The following EP400 variants were observed in gnomAD, a reference collection of about 807,000 sequenced individuals.
EP400 encodes the protein E1A binding protein p400, also known as E1A-binding protein p400.
In EP400, 105 loss-of-function variants were observed where a neutral mutation model predicts 354.1. That is an observed-to-expected ratio of 0.30 (90% CI 0.25 to 0.35). The LOEUF (loss-of-function observed/expected upper bound fraction) is 0.35. Ranked by LOEUF, EP400 falls within the 10% of genes least tolerant of loss-of-function variation. The pLI is 1.00. For missense variants in EP400, 3,280 were observed against 4,121.0 expected (o/e 0.80, Z 5.59); for synonymous variants, 1,646 against 1,716.9 (o/e 0.96, Z 1.02).
chr12:132,004,422 AGT>A (rs1893514849), intron 12 of EP400, among the ~76,000 whole-genome samples: 1 of 151,870 alleles, frequency 6.6e-6, no homozygotes, highest in South Asian at 2.1e-4. Context: ...AATTAGGGTG[AGT>A]GTTTTATAAA....
chr12:131,951,602 C>G (rs1482787167), intron 1 of EP400, among the ~76,000 whole-genome samples: 1 of 152,006 alleles, frequency 6.6e-6, no homozygotes, highest in South Asian at 2.1e-4. Context: ...TGTAATTATT[C>G]TTTTTATTGT....
Position 132,062,144 on chromosome 12 carries a change from A to T in EP400, c.7919A>T (p.His2640Leu). The change falls in exon 46 of 53, where the codon CAC (histidine) becomes CTC (leucine). Residue 2640 changes from histidine (H) to leucine (L), a missense_variant. By Grantham distance (99) the His-to-Leu change is moderately conservative (BLOSUM62 -3). This residue lies in a region of EP400 where 255 missense variants were observed against 295.9 expected (regional missense o/e 0.86). Coordinates refer to ENST00000389561, the MANE Select transcript of EP400 (RefSeq NM_015409.5). The part of the protein sequence containing the change: ...PGGSAPAQVV[H>L]TQPPPRAVGS... ...GGCTCTGCTCCCGCCCAGGTGGTGC[A>T]CACCCAGCCCCCGCCACGGGCAGTC... The T allele has an allele frequency of 6.2e-7, 1 of 1,613,698 alleles. No homozygotes were observed. The highest frequency in any genetic ancestry group is 1.1e-5 in the South Asian group (1 of 91,058).
At chr12:132,042,293 A>G (rs915094927) in intron 32 of EP400, among the ~76,000 whole-genome samples, 22 of 152,072 alleles carry the variant, frequency 1.4e-4, no homozygotes, top group Non-Finnish European at 2.5e-4. Context: ...TTCTTTATGT[A>G]TCCCGATAAA....
intron 2 of EP400, among the ~76,000 whole-genome samples, chr12:131,969,614 A>C (rs955878932): frequency 1.3e-4 from 20 of 152,202 alleles, no homozygotes; most frequent in African/African-American, 4.8e-4. Flanking sequence ...AACTGTTGAA[A>C]GTGCACCTTG....
rs1326681072 is a variant in EP400, at chr12:132,029,652, G to A, written c.5382-49G>A. 2 of 1,583,904 alleles carry A rather than the reference G, an allele frequency of 1.3e-6. No individual in the cohort carries two copies. The highest frequency in any genetic ancestry group is 1.7e-6 in the Non-Finnish European group (2 of 1,157,760). ...TCTTTCAGGAGCCCCCATGCTGGGT[G>A]AAGGTGTGTGGCTCCTGGTGGTGAC... On this transcript the variant is annotated intron_variant, in intron 27 of 52. Transcript: ENST00000389561. This position sits in a 1 kb window ranked among gnomAD's most constrained non-coding sequence, Gnocchi z 4.7.
Position 132,029,695 on chromosome 12 carries a change from C to T in EP400, c.5382-6C>T, listed in dbSNP as rs1459601376. ...GTGGTGACAAAACATGCTTTCTGCT[C>T]CTCAGGGTGGCCTTTGTGATTCCTC... On this transcript the variant is annotated splice_region_variant and splice_polypyrimidine_tract_variant and intron_variant, in intron 27 of 52. Coordinates refer to ENST00000389561, the MANE Select transcript of EP400 (RefSeq NM_015409.5). The surrounding 1 kb of genome is among the most constrained non-coding windows in gnomAD (Gnocchi z 4.7). The T allele has an allele frequency of 6.2e-7, 1 of 1,610,970 alleles. No individual in the cohort carries two copies. Among genetic ancestry groups the T allele is most frequent in the African/African-American group, 1.3e-5 (1 of 74,878 alleles).
At position 132,079,205 on chromosome 12, in the gene EP400, A is replaced by G. The variant is rs1896318718; in HGVS notation, c.*1532A>G. On this transcript the variant is annotated 3_prime_UTR_variant, in exon 53 of 53. Coordinates refer to ENST00000389561, the MANE Select transcript of EP400 (RefSeq NM_015409.5). ...CAGCGATACAGCAGGAGTCAGTGAA[A>G]TCAACTGGGGAGCTCACTTGAGCTC... 1 of 152,262 alleles carries G rather than the reference A, an allele frequency of 6.6e-6. No homozygotes were observed. Among genetic ancestry groups the G allele is most frequent in the South Asian group, 2.1e-4 (1 of 4,832 alleles). 9.4% of individuals were successfully genotyped at this position (152,262 alleles called of 1,614,324 possible).
At chr12:132,004,897 G>A (rs1375449336) in intron 12 of EP400, among the ~76,000 whole-genome samples, 180 bp from the exon 13 acceptor site, 1 of 152,206 alleles carries the variant, frequency 6.6e-6, no homozygotes, top group Non-Finnish European at 1.5e-5. Context: ...GAAAAAACAA[G>A]TGTGCTTTTA....
At chr12:132,063,519 A>G (rs965664334) in intron 47 of EP400, among the ~76,000 whole-genome samples, 5 of 152,216 alleles carry the variant, frequency 3.3e-5, no homozygotes, top group Admixed American at 2.6e-4. Flanking sequence ...AAAAAAGGAA[A>G]TGTTATGTCC....
rs1414572479 is a variant in EP400 at position 132,013,604 on chromosome 12, G to C, written c.3726G>C (p.Leu1242=). ...CCAGGCCCTACCTGAGCTCCCCTCT[G>C]AGGGCCCCCAGTGAAGAGAGCCAGG... ...GISRPYLSSP[L]RAPSEESQDY... is the part of the protein sequence containing the mutation. The change falls in exon 18 of 53, where the codon CTG becomes CTC. Residue 1242 remains leucine, a synonymous_variant. Transcript: ENST00000389561. This position sits in a 1 kb window ranked among gnomAD's most constrained non-coding sequence, Gnocchi z 4.5. 6.2e-7 allele frequency: 1 copy of C among 1,613,948 alleles called. No homozygotes were observed. Among genetic ancestry groups the C allele is most frequent in the South Asian group, 1.1e-5 (1 of 91,022 alleles).
intron 29 of EP400, among the ~76,000 whole-genome samples, chr12:132,031,599 C>T (rs988417930): frequency 1.3e-5 from 2 of 152,216 alleles, no homozygotes; most frequent in South Asian, 4.1e-4. Context: ...TGCTCTGTCG[C>T]CGAGGCTGGA....
At chr12:131,962,740 G>T (rs1197667740) in intron 2 of EP400, among the ~76,000 whole-genome samples, 1 of 152,198 alleles carries the variant, frequency 6.6e-6, no homozygotes, top group Non-Finnish European at 1.5e-5. Context: ...GAAAACCAGG[G>T]TGAGAGTGAA....
In EP400 at chr12:132,067,420, G is replaced by A. The variant is rs982400644; in HGVS notation, c.8808G>A (p.Gln2936=). The A allele has an allele frequency of 6.2e-7, 1 of 1,613,538 alleles. No homozygotes were observed. Among genetic ancestry groups the A allele is most frequent in the Non-Finnish European group, 8.5e-7 (1 of 1,180,040 alleles). Residue 2936 remains glutamine, a synonymous_variant, in exon 50 of 53, where the codon CAG becomes CAA. Transcript: ENST00000389561. This position sits in a 1 kb window ranked among gnomAD's most constrained non-coding sequence, Gnocchi z 5.3. ...HMQQLLKLKQ[Q]AVQQQKAIQP... Reference sequence around the variant, plus strand: ...AGCAGCTGCTGAAGCTGAAGCAGCAGGCCGTCCAGCAGCAGAAGGCCATCC... The same window carrying A: ...AGCAGCTGCTGAAGCTGAAGCAGCAAGCCGTCCAGCAGCAGAAGGCCATCC...
Position 132,075,934 on chromosome 12 carries a change from T to C in EP400, c.9022-582T>C. On this transcript the variant is annotated intron_variant, in intron 51 of 52. Coordinates refer to ENST00000389561, the MANE Select transcript of EP400 (RefSeq NM_015409.5). This position sits in a 1 kb window ranked among gnomAD's most constrained non-coding sequence, Gnocchi z 4.5. ...AGGTGGCCCAGAGCCTCTTACTACG[T>C]CAAGACAGCGGGAGATGCATGCAGT... is the stretch of plus-strand genomic sequence containing the variant. 5.5e-6 allele frequency: 1 copy of C among 183,414 alleles called. No homozygotes were observed. The highest frequency in any genetic ancestry group is 1.2e-5 in the Non-Finnish European group (1 of 85,746). 11.4% of individuals were successfully genotyped at this position (183,414 alleles called of 1,614,324 possible). A position where few individuals can be genotyped will look rare whatever the true frequency, so the allele number is the denominator to read the frequency against.
chr12:132,077,443 G>A lies in EP400; in HGVS notation c.9142G>A (p.Gly3048Arg), dbSNP rs753143669. The A allele has an allele frequency of 6.2e-6, 10 of 1,612,828 alleles. No homozygotes were observed. Among genetic ancestry groups the A allele is most frequent in the Non-Finnish European group, 8.5e-6 (10 of 1,179,950 alleles). Reference sequence around the variant, plus strand: ...GGCGCTCACGCAGGCGACGGCGGCCGGGCAGCAGGTGCAGATGATCCCTGC... The same window carrying A: ...GGCGCTCACGCAGGCGACGGCGGCCAGGCAGCAGGTGCAGATGATCCCTGC... ...TVALTQATAA[G>R]QQVQMIPAVT... Residue 3048 changes from glycine (G) to arginine (R), a missense_variant, in exon 53 of 53, where the codon GGG becomes AGG. Gly to Arg is a moderately radical substitution (Grantham distance 125). Around this residue, in one of 20 missense-constraint regions of EP400, gnomAD observed 279 missense variants for 386.7 expected, o/e 0.72. Transcript: ENST00000389561.
At chr12:131,972,919 G>T (rs946683381) in intron 2 of EP400, among the ~76,000 whole-genome samples, 3 of 151,480 alleles carry the variant, frequency 2.0e-5, no homozygotes, top group Non-Finnish European at 2.9e-5. Context: ...TTTAGTAGAG[G>T]CGGGATTTTA....
At chr12:131,969,433 T>G (rs1467965185) in intron 2 of EP400, among the ~76,000 whole-genome samples, 1 of 152,208 alleles carries the variant, frequency 6.6e-6, no homozygotes, top group African/African-American at 2.4e-5. Context: ...AGTTGCCTGA[T>G]GCTCCTTGCC....
chr12:131,971,184 G>A (rs1341452650), intron 2 of EP400, among the ~76,000 whole-genome samples: 2 of 152,222 alleles, frequency 1.3e-5, no homozygotes, highest in East Asian at 1.9e-4. Context: ...AGGCTGGGCT[G>A]TAGAGCAATA....
At chr12:132,059,921 G>T (rs555775347) in intron 45 of EP400, among the ~76,000 whole-genome samples, 1 of 152,222 alleles carries the variant, frequency 6.6e-6, no homozygotes, top group East Asian at 1.9e-4. Context: ...TACTCGGGAG[G>T]CTGAGGCAGG....
Sources: allele counts gnomAD v4.1 joint callset (sites outside exome capture counted in the v4.1 genomes callset), GRCh38; gene constraint gnomAD v4.1.1; regional missense constraint gnomAD v4.1.1; non-coding constraint Gnocchi (gnomAD v3.1); transcripts MANE v1.5; gene names NCBI Gene and HGNC (gene_info 2026-07-23, HGNC 2026-07-21).